HSDL2: variants seen among roughly 807,000 people sequenced by gnomAD.
The protein encoded by HSDL2 is hydroxysteroid dehydrogenase like 2, also known as hydroxysteroid dehydrogenase-like protein 2.
Under a neutral mutation model 46.3 loss-of-function variants are expected in HSDL2, and 27 were observed. The ratio of observed to expected loss-of-function variants is 0.58; its 90% CI spans 0.43 to 0.80. The LOEUF (loss-of-function observed/expected upper bound fraction) is 0.80. Among genes scored for constraint, HSDL2 ranks in the 30% least tolerant of loss-of-function variants. The probability of loss-of-function intolerance (pLI) is 0.00; values close to 1 mark genes in which losing one functional copy is unlikely to be tolerated. For missense variants in HSDL2, 451 were observed against 502.7 expected (o/e 0.90, Z 0.98); for synonymous variants, 153 against 163.6 (o/e 0.94, Z 0.50).
intron 6 of HSDL2, among the ~76,000 whole-genome samples, chr9:112,420,795 T>C (rs1344864188): frequency 6.6e-6 from 1 of 152,256 alleles, no homozygotes; most frequent in Non-Finnish European, 1.5e-5. Context: ...CTAATTCTAA[T>C]GTAACATCAT....
intron 6 of HSDL2, among the ~76,000 whole-genome samples, chr9:112,423,812 C>T (rs576290331): frequency 1.3e-5 from 2 of 152,056 alleles, no homozygotes; most frequent in African/African-American, 2.4e-5. Flanking sequence ...CTCTGAGGCT[C>T]AAGCGATTCT....
chr9:112,427,082 T>C (rs1386611483), intron 6 of HSDL2, among the ~76,000 whole-genome samples: 4 of 152,076 alleles, frequency 2.6e-5, no homozygotes, highest in Non-Finnish European at 5.9e-5. Flanking sequence ...CGAGGCAGAG[T>C]CTCACTCTGT....
intron 1 of HSDL2, 21 bp from the exon 2 acceptor site, chr9:112,403,974 G>A (rs760272851): frequency 1.9e-6 from 3 of 1,608,502 alleles, no homozygotes; most frequent in Non-Finnish European, 2.6e-6. Context: ...TTCTAATAAG[G>A]TCGTATTTGT....
chr9:112,439,438 G>A (rs1375714015), intron 7 of HSDL2, among the ~76,000 whole-genome samples: 1 of 151,386 alleles, frequency 6.6e-6, no homozygotes, highest in Non-Finnish European at 1.5e-5. Context: ...ACAGTAAAGT[G>A]ATCTGAGAAG....
In HSDL2 at chr9:112,405,716, T is replaced by C. The variant is rs777472353; in HGVS notation, c.274T>C (p.Phe92Leu). ...TGCAGTGGAGAAAGCCATCAAGAAA[T>C]TTGGAGGTAATACCTTCATTCTGAA... The part of the protein sequence containing the change: ...SAAVEKAIKK[F>L]GGIDILVNNA... The change falls in exon 3 of 11, where the codon TTT becomes CTT. Residue 92 changes from phenylalanine to leucine, a missense_variant. Coordinates refer to ENST00000398805, the MANE Select transcript of HSDL2 (RefSeq NM_032303.5). 1 of 1,598,286 alleles carries C rather than the reference T, an allele frequency of 6.3e-7. No individual in the cohort carries two copies. Among genetic ancestry groups the C allele is most frequent in the Non-Finnish European group, 8.6e-7 (1 of 1,167,678 alleles).
chr9:112,385,391 C>T (rs746963630), intron 1 of HSDL2, among the ~76,000 whole-genome samples: 9 of 151,868 alleles, frequency 5.9e-5, no homozygotes, highest in Non-Finnish European at 1.0e-4. Context: ...TGCAGTGGCG[C>T]GATCTAGGCT....
At chr9:112,383,619 A>T (rs1314498813) in intron 1 of HSDL2, among the ~76,000 whole-genome samples, 1 of 152,116 alleles carries the variant, frequency 6.6e-6, no homozygotes, top group Non-Finnish European at 1.5e-5. Context: ...GTTGTATATT[A>T]AATTCTTGCA....
chr9:112,392,293 T>G (rs1389084864), intron 1 of HSDL2, among the ~76,000 whole-genome samples: 1 of 152,138 alleles, frequency 6.6e-6, no homozygotes, highest in Non-Finnish European at 1.5e-5. Flanking sequence ...CTGATAAGGG[T>G]CTATGTTCAG....
At chr9:112,469,326 A>G (rs1369133928) in intron 10 of HSDL2, among the ~76,000 whole-genome samples, 3 of 152,106 alleles carry the variant, frequency 2.0e-5, no homozygotes, top group Admixed American at 1.3e-4. Flanking sequence ...CTAAGCTACT[A>G]ATAAACCAAA....
rs757805794 is a variant in HSDL2, at chr9:112,454,004, A to C, written c.866-9A>C. On this transcript the variant is annotated splice_polypyrimidine_tract_variant and intron_variant, in intron 8 of 10. Transcript: ENST00000398805. Reference sequence around the variant, plus strand: ...CATTAAGGTCATTTGCTTCAATAATATCTTATAGGTGCTGTTCCAGAATTC... The same window carrying C: ...CATTAAGGTCATTTGCTTCAATAATCTCTTATAGGTGCTGTTCCAGAATTC... 1 of 1,610,910 alleles carries C rather than the reference A, an allele frequency of 6.2e-7. No homozygotes were observed. Among genetic ancestry groups the C allele is most frequent in the African/African-American group, 1.3e-5 (1 of 74,786 alleles).
chr9:112,410,117 T>G (rs1015676826), intron 4 of HSDL2, among the ~76,000 whole-genome samples: 1 of 152,210 alleles, frequency 6.6e-6, no homozygotes, highest in Non-Finnish European at 1.5e-5. Flanking sequence ...AAAACACTAA[T>G]ACTTTCTTGG....
intron 10 of HSDL2, among the ~76,000 whole-genome samples, chr9:112,467,184 A>T (rs766854722): frequency 9.5e-6 from 1 of 105,262 alleles, no homozygotes; most frequent in Non-Finnish European, 1.9e-5. Context: ...CCATTAAGGG[A>T]TGCATGGATA....
At chr9:112,392,498 G>C (rs914887804) in intron 1 of HSDL2, among the ~76,000 whole-genome samples, 1 of 152,154 alleles carries the variant, frequency 6.6e-6, no homozygotes, top group African/African-American at 2.4e-5. Flanking sequence ...TTCCCAGAGT[G>C]GCCGTTGATA....
intron 1 of HSDL2, among the ~76,000 whole-genome samples, chr9:112,387,368 T>C (rs1831239490): frequency 6.6e-6 from 1 of 151,986 alleles, no homozygotes; most frequent in South Asian, 2.1e-4. Context: ...TATGGGTGCG[T>C]ACCACATGCC....
At position 112,415,106 on chromosome 9, in the gene HSDL2, T is replaced by A. The variant is rs185442014; in HGVS notation, c.396-1735T>A. 9.2e-5 allele frequency among the ~76,000 whole-genome samples: 14 copies of A among 152,294 alleles called. No individual in the cohort carries two copies. The East Asian group carries it at 2.7e-3, about 29-fold the overall frequency. On this transcript the variant is annotated intron_variant, in intron 4 of 10. Transcript: ENST00000398805. ...TGACATTATGTAAAAATTAACATTT[T>A]AGAAATATTGAATCTGAATCTTAAA...
intron 8 of HSDL2, among the ~76,000 whole-genome samples, chr9:112,442,348 CTTT>C (rs996064306): frequency 7.0e-6 from 1 of 142,352 alleles, no homozygotes; most frequent in Non-Finnish European, 1.5e-5. Flanking sequence ...TCTGAAAAAA[CTTT>C]TTTTTAGGTT....
At chr9:112,453,934 G>C in intron 8 of HSDL2, 79 bp from the exon 9 acceptor site, 1 of 1,304,226 alleles carries the variant, frequency 7.7e-7, no homozygotes, top group Non-Finnish European at 1.0e-6. Flanking sequence ...TGGCAAGTCT[G>C]TCCTGCTGAT....
At chr9:112,428,834 G>C (rs1357297554) in intron 6 of HSDL2, among the ~76,000 whole-genome samples, 3 of 152,132 alleles carry the variant, frequency 2.0e-5, no homozygotes, top group African/African-American at 7.2e-5. Flanking sequence ...AAAAAGGGAG[G>C]TCTCTGAGGT....
At chr9:112,448,759 G>A (rs975679269) in intron 8 of HSDL2, among the ~76,000 whole-genome samples, 2 of 151,674 alleles carry the variant, frequency 1.3e-5, no homozygotes, top group Non-Finnish European at 2.9e-5. Flanking sequence ...GTTTCACTGC[G>A]TTAGCCAGGA....
Sources: gnomAD v4.1 joint callset for allele counts (sites outside exome capture counted in the v4.1 genomes callset) on GRCh38, gnomAD v4.1.1 for gene constraint, MANE v1.5 for transcripts, NCBI Gene and HGNC (gene_info 2026-07-23, HGNC 2026-07-21) for gene names.